The following SDK2 variants were observed in gnomAD, a reference collection of about 807,000 sequenced individuals.
SDK2 encodes the protein sidekick cell adhesion molecule 2, also known as protein sidekick-2.
In SDK2, 105 loss-of-function variants were observed where a neutral mutation model predicts 253.9. The observed-to-expected ratio is 0.41, with a 90% CI of 0.35 to 0.49. The LOEUF (loss-of-function observed/expected upper bound fraction) is 0.49. SDK2 is among the 20% of genes least tolerant of loss of function. The probability of loss-of-function intolerance (pLI) is 0.06; values close to 1 mark genes in which losing one functional copy is unlikely to be tolerated. For synonymous variants in SDK2, 1,249 were observed against 1,234.9 expected (o/e 1.01, Z -0.24); for missense variants, 2,608 against 3,003.0 (o/e 0.87, Z 3.07).
Position 73,447,754 on chromosome 17 carries a change from A to T in SDK2, c.480-6T>A. 1 of 1,551,554 alleles carries T rather than the reference A, an allele frequency of 6.4e-7. No homozygotes were observed. ...TGTTCTCCAGCGTGATGGCTCTGGG[A>T]AGAGGAAAAGGATTCCTCTGACAGG... On this transcript the variant is annotated splice_polypyrimidine_tract_variant and splice_region_variant and intron_variant, in intron 4 of 44. Coordinates refer to ENST00000392650, the MANE Select transcript of SDK2 (RefSeq NM_001144952.2). The surrounding 1 kb of genome is among the most constrained non-coding windows in gnomAD (Gnocchi z 4.0).
chr17:73,358,102 T>A lies in SDK2; in HGVS notation c.5570A>T (p.Tyr1857Phe). Residue 1857 changes from tyrosine to phenylalanine, a missense_variant, in exon 40 of 45, where the codon TAC (tyrosine) becomes TTC (phenylalanine). Tyr to Phe is a conservative substitution (Grantham distance 22, BLOSUM62 3). Transcript: ENST00000392650. Reference sequence around the variant, plus strand: ...ACCTGAAGGTCTGGCCTCGATGACGTAGCGGGTGATGGGCCCTTTGCCCGG... The same window carrying A: ...ACCTGAAGGTCTGGCCTCGATGACGAAGCGGGTGATGGGCCCTTTGCCCGG... ...GDPGKGPITR[Y>F]VIEARPSDEG... The A allele has an allele frequency of 6.2e-7, 1 of 1,613,342 alleles. No individual in the cohort carries two copies. Among genetic ancestry groups the A allele is most frequent in the Non-Finnish European group, 8.5e-7 (1 of 1,179,754 alleles).
intron 12 of SDK2, among the ~76,000 whole-genome samples, chr17:73,429,979 C>T (rs1253673612): frequency 6.6e-6 from 1 of 152,140 alleles, no homozygotes; most frequent in East Asian, 1.9e-4. Flanking sequence ...GGTGGGGTGA[C>T]CTCGGTTTGG....
rs182860344 is a variant in SDK2, at chr17:73,458,558, G to C, written c.332-2505C>G. ...GCAGCTTCACTTGGCCTAATGGTTTGACCACAATCTCCCTGCAAATGACAC... is the reference window on the plus strand; with the variant it reads ...GCAGCTTCACTTGGCCTAATGGTTTCACCACAATCTCCCTGCAAATGACAC... On this transcript the variant is annotated intron_variant, in intron 3 of 44. Transcript: ENST00000392650. 4.0e-3 allele frequency among the ~76,000 whole-genome samples: 605 copies of C among 152,322 alleles called. 4 individuals carry two copies. Among genetic ancestry groups the C allele is most frequent in the African/African-American group, 0.014 (562 of 41,566 alleles).
At position 73,455,780 on chromosome 17, in the gene SDK2, C is replaced by T; in HGVS notation, c.479+126G>A. On this transcript the variant is annotated intron_variant, in intron 4 of 44. Transcript: ENST00000392650. This position sits in a 1 kb window ranked among gnomAD's most constrained non-coding sequence, Gnocchi z 5.0. ...GGAGGTCCCCTACCTGGCTGTGTCC[C>T]ACAGGAGCTGAAAGGGGCTTCTGCA... 1 of 1,114,870 alleles carries T rather than the reference C, an allele frequency of 9.0e-7. No homozygotes were observed. The highest frequency in any genetic ancestry group is 1.2e-6 in the Non-Finnish European group (1 of 816,458). The allele number at this position is 1,114,870 out of a possible 1,614,324, so 69.1% of individuals were successfully genotyped here. A position where few individuals can be genotyped will look rare whatever the true frequency, so the allele number is the denominator to read the frequency against.
In SDK2 at chr17:73,399,277, G is replaced by A. The variant is rs369561538; in HGVS notation, c.2984C>T (p.Pro995Leu). 6.2e-7 allele frequency: 1 copy of A among 1,613,742 alleles called. No homozygotes were observed. Among genetic ancestry groups the A allele is most frequent in the Non-Finnish European group, 8.5e-7 (1 of 1,179,696 alleles). The stretch of plus-strand genomic sequence containing the variant: ...GTTGGAAATGCCCAGGTTGGTGGGG[G>A]GCCCTGGGAGTTCTGGAAAAGGAGA... ...SSGVPPELPGPPTNLGISNIG... is the reference protein window; with the variant it reads ...SSGVPPELPGLPTNLGISNIG... Residue 995 changes from proline (P) to leucine (L), a missense_variant, in exon 22 of 45, where the codon CCC (proline) becomes CTC (leucine). By Grantham distance (98) the Pro-to-Leu change is moderately conservative (BLOSUM62 -3). Around this residue, in one of 2 missense-constraint regions of SDK2, gnomAD observed 1,505 missense variants for 1,859.1 expected, o/e 0.81. Transcript: ENST00000392650.
chr17:73,539,108 C>T (rs1291033334), intron 1 of SDK2, among the ~76,000 whole-genome samples: 2 of 152,154 alleles, frequency 1.3e-5, no homozygotes, highest in Non-Finnish European at 2.9e-5. Context: ...TGCCCTGCCT[C>T]AGTTCCTTAG....
intron 29 of SDK2, among the ~76,000 whole-genome samples, chr17:73,389,813 G>C (rs1307208734): frequency 6.6e-6 from 1 of 152,178 alleles, no homozygotes; most frequent in Non-Finnish European, 1.5e-5. Flanking sequence ...GCAGTGGTGC[G>C]ATCTTGGCTC....
chr17:73,368,154 C>T (rs776807253), intron 37 of SDK2, among the ~76,000 whole-genome samples: 10 of 151,690 alleles, frequency 6.6e-5, no homozygotes, highest in South Asian at 2.1e-4. Context: ...GTCTGCAAGG[C>T]GGGGCAAACG....
chr17:73,462,519 T>C (rs1336533581), intron 3 of SDK2, among the ~76,000 whole-genome samples: 1 of 152,080 alleles, frequency 6.6e-6, no homozygotes, highest in Admixed American at 6.5e-5. Flanking sequence ...TGGATGCATG[T>C]GTGGTGGGAT....
chr17:73,361,853 A>T lies in SDK2; in HGVS notation c.5306-8T>A. 1 of 1,569,590 alleles carries T rather than the reference A, an allele frequency of 6.4e-7. No homozygotes were observed. Among genetic ancestry groups the T allele is most frequent in the South Asian group, 1.2e-5 (1 of 86,330 alleles). ...TCACGATCTTGCTGACTCCTGGGGG[A>T]GGCACAGCAAGTGGGGACTGGGCAC... On this transcript the variant is annotated splice_region_variant and splice_polypyrimidine_tract_variant and intron_variant, in intron 38 of 44. Coordinates refer to ENST00000392650, the MANE Select transcript of SDK2 (RefSeq NM_001144952.2). This position sits in a 1 kb window ranked among gnomAD's most constrained non-coding sequence, Gnocchi z 4.1.
rs1167287478 is a variant in SDK2, at chr17:73,511,686, T to C, written c.65-4089A>G. On this transcript the variant is annotated intron_variant, in intron 1 of 44. Coordinates refer to ENST00000392650, the MANE Select transcript of SDK2 (RefSeq NM_001144952.2). This position sits in a 1 kb window ranked among gnomAD's most constrained non-coding sequence, Gnocchi z 4.9. ...CGGTGAAGTCACCCCCTCCCGAAAG[T>C]CAACCTGCCCCCTGGATACAGGGAT... 6.6e-6 allele frequency among the ~76,000 whole-genome samples: 1 copy of C among 152,066 alleles called. No homozygotes were observed. Among genetic ancestry groups the C allele is most frequent in the African/African-American group, 2.4e-5 (1 of 41,410 alleles).
chr17:73,636,694 AAAAAAAAAAAAAG>A (rs1218985431), intron 1 of SDK2, among the ~76,000 whole-genome samples: 3 of 149,852 alleles, frequency 2.0e-5, no homozygotes, highest in Admixed American at 6.6e-5. Context: ...AAAAAAAAAA[AAAAAAAAAAAAAG>A]AAAAGAAAAG....
chr17:73,399,421 G>A (rs1461091905), intron 21 of SDK2, 132 bp from the exon 22 acceptor site: 32 of 921,744 alleles, frequency 3.5e-5, no homozygotes, highest in Admixed American at 1.2e-4. Flanking sequence ...GCACAGCCAC[G>A]GCCCCACTCC....
At chr17:73,593,159 C>T (rs547898901) in intron 1 of SDK2, among the ~76,000 whole-genome samples, 7 of 152,262 alleles carry the variant, frequency 4.6e-5, no homozygotes, top group Non-Finnish European at 1.0e-4. Context: ...AGGCTGGGTA[C>T]CCCACCCCAC....
intron 1 of SDK2, among the ~76,000 whole-genome samples, chr17:73,641,951 G>C (rs752972564): frequency 1.6e-4 from 25 of 152,110 alleles, no homozygotes; most frequent in Non-Finnish European, 2.9e-4. Flanking sequence ...GAGAGGGCTC[G>C]ATGCTGGAAA....
rs553306307 is a variant in SDK2, at chr17:73,543,309, G to A, written c.65-35712C>T. Among the ~76,000 whole-genome samples, 10 of 152,200 alleles carry A rather than the reference G, an allele frequency of 6.6e-5. No homozygotes were observed. In the East Asian group the frequency reaches 1.9e-3, roughly 29 times the overall value. On this transcript the variant is annotated intron_variant, in intron 1 of 44. Transcript: ENST00000392650. The stretch of plus-strand genomic sequence containing the variant: ...AGTGATGGTGCCCGCACCCTCGCAG[G>A]TGTGGTGTGTGTGGGGCTGTCCTTC...
chr17:73,622,839 A>G (rs900711024), intron 1 of SDK2, among the ~76,000 whole-genome samples: 1 of 152,218 alleles, frequency 6.6e-6, no homozygotes, highest in Non-Finnish European at 1.5e-5. Context: ...TGGGGCCCTG[A>G]ACTCCAAGGT....
At position 73,472,166 on chromosome 17, in the gene SDK2, C is replaced by T. The variant is rs559453244; in HGVS notation, c.277G>A (p.Val93Met). ...RTHAGFYRCI[V>M]RNRMGALLQR... ...AGCAGGGCCCCCATTCGGTTCCGCA[C>T]GATGCAACGGTAAAAGCCAGCGTGG... The change falls in exon 3 of 45, where the codon GTG becomes ATG. Residue 93 changes from valine to methionine, a missense_variant. Physicochemically the swap from Val to Met is conservative, Grantham distance 21. This residue lies in a region of SDK2 where 1,505 missense variants were observed against 1,859.1 expected (regional missense o/e 0.81). Coordinates refer to ENST00000392650, the MANE Select transcript of SDK2 (RefSeq NM_001144952.2). 84 of 1,551,662 alleles carry T rather than the reference C, an allele frequency of 5.4e-5. No individual in the cohort carries two copies. Among genetic ancestry groups the T allele is most frequent in the African/African-American group, 1.5e-4 (11 of 73,156 alleles).
rs967717137 is a variant in SDK2 at position 73,403,038 on chromosome 17, A to T, written c.2485-897T>A. 2.0e-5 allele frequency among the ~76,000 whole-genome samples: 3 copies of T among 150,562 alleles called. No individual in the cohort carries two copies. In the East Asian group the frequency reaches 6.0e-4, roughly 30 times the overall value. On this transcript the variant is annotated intron_variant, in intron 18 of 44. Coordinates refer to ENST00000392650, the MANE Select transcript of SDK2 (RefSeq NM_001144952.2). ...GGTCTCGAACTCCTGATCTCAAGTGATCCGCCCGCCTCGGCCTCCCAAAGT... is the reference window on the plus strand; with the variant it reads ...GGTCTCGAACTCCTGATCTCAAGTGTTCCGCCCGCCTCGGCCTCCCAAAGT...
Sources: allele counts gnomAD v4.1 joint callset (sites outside exome capture counted in the v4.1 genomes callset), GRCh38; gene constraint gnomAD v4.1.1; regional missense constraint gnomAD v4.1.1; non-coding constraint Gnocchi (gnomAD v3.1); transcripts MANE v1.5; gene names NCBI Gene and HGNC (gene_info 2026-07-23, HGNC 2026-07-21).